The following RTN1 variants were observed in gnomAD, a reference collection of about 807,000 sequenced individuals.
RTN1 encodes reticulon-1.
A neutral mutation model predicts 65.5 loss-of-function variants in RTN1; 25 were observed. That is an observed-to-expected ratio of 0.38 (90% confidence interval 0.28 to 0.53). RTN1 has a LOEUF of 0.53. RTN1 is among the 20% of genes least tolerant of loss of function. The pLI, the probability that RTN1 is intolerant of heterozygous loss-of-function variation, is 0.79. For synonymous variants in RTN1, 471 were observed against 447.6 expected (o/e 1.05, Z -0.66); for missense variants, 983 against 1,025.4 (o/e 0.96, Z 0.57).
At chr14:59,828,184 A>C (rs1372061675) in intron 1 of RTN1, among the ~76,000 whole-genome samples, 2 of 152,226 alleles carry the variant, frequency 1.3e-5, no homozygotes, top group Non-Finnish European at 2.9e-5. Flanking sequence ...TCATCTTCTG[A>C]AGACCTTCAA....
Position 59,836,167 on chromosome 14 carries a change from T to C in RTN1, c.241+34223A>G, listed in dbSNP as rs572840837. On this transcript the variant is annotated intron_variant, in intron 1 of 8. Coordinates refer to ENST00000267484, the MANE Select transcript of RTN1 (RefSeq NM_021136.3). The surrounding 1 kb of genome is among the most constrained non-coding windows in gnomAD (Gnocchi z 4.9). Reference sequence around the variant, plus strand: ...ATCTTTTCAACTCAGGATCCTAAACTTAAGCACATCTTCAAAGTCCCTTTG... The same window carrying C: ...ATCTTTTCAACTCAGGATCCTAAACCTAAGCACATCTTCAAAGTCCCTTTG... 6.6e-6 allele frequency among the ~76,000 whole-genome samples: 1 copy of C among 152,326 alleles called. No homozygotes were observed. Among genetic ancestry groups the C allele is most frequent in the African/African-American group, 2.4e-5 (1 of 41,572 alleles).
chr14:59,787,771 G>T (rs1270742504), intron 1 of RTN1, among the ~76,000 whole-genome samples: 1 of 152,100 alleles, frequency 6.6e-6, no homozygotes, highest in African/African-American at 2.4e-5. Context: ...ACTTCTACAT[G>T]CACAAAGTTA....
chr14:59,651,051 G>C (rs1331114735), intron 3 of RTN1, among the ~76,000 whole-genome samples: 1 of 151,940 alleles, frequency 6.6e-6, no homozygotes, highest in African/African-American at 2.4e-5. Context: ...AATTCATATG[G>C]AACCAAAAAA....
intron 3 of RTN1, among the ~76,000 whole-genome samples, chr14:59,660,664 A>G (rs1327342715): frequency 6.6e-6 from 1 of 152,236 alleles, no homozygotes; most frequent in Non-Finnish European, 1.5e-5. Flanking sequence ...TAAGGAAGAA[A>G]TAAATAAGTT....
At chr14:59,843,431 G>T (rs1887350386) in intron 1 of RTN1, among the ~76,000 whole-genome samples, 2 of 152,164 alleles carry the variant, frequency 1.3e-5, no homozygotes, top group African/African-American at 4.8e-5. Flanking sequence ...AGTGAGACTT[G>T]TTTCCTTTTC....
Position 59,868,112 on chromosome 14 carries a change from A to C in RTN1, c.241+2278T>G, listed in dbSNP as rs1250082158. 1.3e-5 allele frequency among the ~76,000 whole-genome samples: 2 copies of C among 152,230 alleles called. No homozygotes were observed. Among genetic ancestry groups the C allele is most frequent in the African/African-American group, 4.8e-5 (2 of 41,464 alleles). ...AATAGAACTGCCAAAATAACAGACCAGGAAGCTGGACAAGATTTGTTTGGA... is the reference window on the plus strand; with the variant it reads ...AATAGAACTGCCAAAATAACAGACCCGGAAGCTGGACAAGATTTGTTTGGA... On this transcript the variant is annotated intron_variant, in intron 1 of 8. Transcript: ENST00000267484. This position sits in a 1 kb window ranked among gnomAD's most constrained non-coding sequence, Gnocchi z 4.0.
chr14:59,730,479 T>C (rs1049483979), intron 2 of RTN1, among the ~76,000 whole-genome samples: 1 of 152,162 alleles, frequency 6.6e-6, no homozygotes, highest in African/African-American at 2.4e-5. Context: ...GTTTCAGAGA[T>C]ATGACACCAA....
intron 3 of RTN1, among the ~76,000 whole-genome samples, chr14:59,699,595 A>C (rs1884138694): frequency 6.6e-6 from 1 of 152,202 alleles, no homozygotes; most frequent in African/African-American, 2.4e-5. Flanking sequence ...CAGAGATTTA[A>C]CTGTCAAGCA....
rs534807788 is a variant in RTN1, at chr14:59,756,847, T to C, written c.242-10366A>G. Among the ~76,000 whole-genome samples the C allele has an allele frequency of 1.9e-3, 276 of 147,904 alleles. 1 individual carries two copies. The highest frequency in any genetic ancestry group is 0.014 in the Middle Eastern group (4 of 286). On this transcript the variant is annotated intron_variant, in intron 1 of 8. Transcript: ENST00000267484. The stretch of plus-strand genomic sequence containing the variant: ...CTCCATAATTCTTTTTTTTGTTTTT[T>C]TTTTTTTGTCTCTGTTGCCCAGGCT...
intron 3 of RTN1, among the ~76,000 whole-genome samples, chr14:59,617,951 C>G (rs1422173695): frequency 2.0e-5 from 3 of 152,120 alleles, no homozygotes; most frequent in Non-Finnish European, 4.4e-5. Flanking sequence ...ATCTTCACAG[C>G]CTACTCCTTA....
At chr14:59,736,708 G>A (rs1885008384) in intron 2 of RTN1, among the ~76,000 whole-genome samples, 1 of 152,032 alleles carries the variant, frequency 6.6e-6, no homozygotes, top group South Asian at 2.1e-4. Flanking sequence ...ACCAAAACCT[G>A]GAAAAGATAC....
intron 1 of RTN1, among the ~76,000 whole-genome samples, chr14:59,772,653 T>C (rs1157028999): frequency 6.6e-6 from 1 of 152,158 alleles, no homozygotes; most frequent in Admixed American, 6.5e-5. Context: ...GGGTACTGCT[T>C]TTCTGCCTTA....
chr14:59,643,901 A>AG (rs398025281), intron 3 of RTN1, among the ~76,000 whole-genome samples: 2 of 152,048 alleles, frequency 1.3e-5, no homozygotes, highest in African/African-American at 4.8e-5. Context: ...AGAAAAAAAA[A>AG]TAAAAACTTA....
chr14:59,753,486 T>C (rs886829335), intron 1 of RTN1, among the ~76,000 whole-genome samples: 2 of 152,242 alleles, frequency 1.3e-5, no homozygotes, highest in Non-Finnish European at 2.9e-5. Flanking sequence ...ACTTTGAATG[T>C]AGTTATGTCC....
intron 1 of RTN1, 102 bp from the exon 2 acceptor site, chr14:59,746,583 C>G: frequency 9.8e-7 from 1 of 1,022,318 alleles, no homozygotes; most frequent in East Asian, 2.4e-5. Flanking sequence ...ACATGACATC[C>G]TTTCTCCTTA....
At chr14:59,620,632 T>C (rs1882230474) in intron 3 of RTN1, among the ~76,000 whole-genome samples, 1 of 152,220 alleles carries the variant, frequency 6.6e-6, no homozygotes, top group Non-Finnish European at 1.5e-5. Context: ...ATTTGTGGCT[T>C]ATATTATATT....
At chr14:59,655,909 TC>T (rs1883113992) in intron 3 of RTN1, among the ~76,000 whole-genome samples, 1 of 152,124 alleles carries the variant, frequency 6.6e-6, no homozygotes, top group Non-Finnish European at 1.5e-5. Context: ...GGCATAATCT[TC>T]AAGACCCACA....
chr14:59,778,340 T>C (rs1292805399), intron 1 of RTN1, among the ~76,000 whole-genome samples: 1 of 152,244 alleles, frequency 6.6e-6, no homozygotes, highest in Non-Finnish European at 1.5e-5. Context: ...ATGTGTTGAA[T>C]TAATGAATGG....
intron 3 of RTN1, among the ~76,000 whole-genome samples, chr14:59,623,435 C>T (rs1042250060): frequency 6.6e-6 from 1 of 152,206 alleles, no homozygotes; most frequent in Admixed American, 6.5e-5. Flanking sequence ...TCCTCCTAGA[C>T]CTCTTGTAAA....
Sources: gnomAD v4.1 joint callset for allele counts (sites outside exome capture counted in the v4.1 genomes callset) on GRCh38, gnomAD v4.1.1 for gene constraint, Gnocchi (gnomAD v3.1) non-coding constraint, MANE v1.5 for transcripts, NCBI Gene and HGNC (gene_info 2026-07-23, HGNC 2026-07-21) for gene names.